The following TNNI3 variants were observed in gnomAD, a reference collection of about 807,000 sequenced individuals.
The protein encoded by TNNI3 is troponin I, cardiac muscle.
Under a neutral mutation model 31.5 loss-of-function variants are expected in TNNI3, and 23 were observed. The observed-to-expected ratio is 0.73, with a 90% CI of 0.52 to 1.03. The LOEUF is 1.03. TNNI3 is among the 50% of genes least tolerant of loss of function. The probability of loss-of-function intolerance (pLI) is 0.00; values close to 1 mark genes in which losing one functional copy is unlikely to be tolerated. For synonymous variants in TNNI3, 120 were observed against 111.7 expected (o/e 1.07, Z -0.47); for missense variants, 236 against 282.9 (o/e 0.83, Z 1.19).
Position 55,157,500 on chromosome 19 carries a change from G to A in TNNI3, c.11+79C>T, listed in dbSNP as rs2085743172. On this transcript the variant is annotated intron_variant, in intron 1 of 7. Coordinates refer to ENST00000344887, the MANE Select transcript of TNNI3 (RefSeq NM_000363.5). This position sits in a 1 kb window ranked among gnomAD's most constrained non-coding sequence, Gnocchi z 6.3. ...CCTACGCCTACCTCGCAGGCCAAGG[G>A]TCCAGCCTCTCAGCTGCGACCCCTC... 2.5e-6 allele frequency: 4 copies of A among 1,601,054 alleles called. No individual in the cohort carries two copies. The South Asian group carries it at 3.3e-5, about 13-fold the overall frequency.
Position 55,154,829 on chromosome 19 carries a change from T to C in TNNI3, c.284A>G (p.Asp95Gly). Residue 95 changes from aspartate (D) to glycine (G), a missense_variant and splice_region_variant, in exon 6 of 8, where the codon GAC becomes GGC. Coordinates refer to ENST00000344887, the MANE Select transcript of TNNI3 (RefSeq NM_000363.5). ...LAGLGFAELQ[D>G]LCRQLHARVD... ...ACGGGCGTGGAGCTGTCGGCACAAG[T>C]CCTGGAGGAGGAACGTGGTGTGTGT... The C allele has an allele frequency of 6.2e-7, 1 of 1,614,072 alleles. No individual in the cohort carries two copies. The highest frequency in any genetic ancestry group is 8.5e-7 in the Non-Finnish European group (1 of 1,179,952).
chr19:55,153,328 C>T (rs1375102721), intron 7 of TNNI3, among the ~76,000 whole-genome samples: 2 of 151,954 alleles, frequency 1.3e-5, no homozygotes, highest in East Asian at 1.9e-4. Flanking sequence ...AAAAAAATTA[C>T]ATATAGGGTT....
intron 6 of TNNI3, chr19:55,154,447 A>G (rs1724175591): frequency 3.2e-5 from 20 of 623,166 alleles, no homozygotes; most frequent in Non-Finnish European, 4.8e-5. Flanking sequence ...CATGCAAATC[A>G]CAATTCCCTG....
At chr19:55,154,593 A>G in intron 6 of TNNI3, 148 bp downstream of exon 6, 1 of 750,260 alleles carries the variant, frequency 1.3e-6, no homozygotes, top group Admixed American at 2.0e-5. Context: ...TATTGTACTC[A>G]TCCTTCTGCC....
chr19:55,153,956 C>G, intron 7 of TNNI3, 74 bp downstream of exon 7: 1 of 1,572,678 alleles, frequency 6.4e-7, no homozygotes, highest in Non-Finnish European at 8.7e-7. Context: ...ACCATCTGCC[C>G]TCAGGCCTAG....
Position 55,156,983 on chromosome 19 carries a change from C to T in TNNI3, c.108+67G>A, listed in dbSNP as rs921367382. On this transcript the variant is annotated intron_variant, in intron 3 of 7. Coordinates refer to ENST00000344887, the MANE Select transcript of TNNI3 (RefSeq NM_000363.5). This position sits in a 1 kb window ranked among gnomAD's most constrained non-coding sequence, Gnocchi z 4.6. ...CGCCCCCTTCGCAGCCCTGGCTCCT[C>T]CCCCCACTCCCAGGGTCTTGGATCC... The T allele has an allele frequency of 2.1e-5, 31 of 1,503,956 alleles. No homozygotes were observed. Among genetic ancestry groups the T allele is most frequent in the Non-Finnish European group, 2.7e-5 (30 of 1,114,648 alleles). The allele number at this position is 1,503,956 out of a possible 1,614,324, so 93.2% of individuals were successfully genotyped here. A position where few individuals can be genotyped will look rare whatever the true frequency, so the allele number is the denominator to read the frequency against.
intron 6 of TNNI3, 129 bp from the exon 7 acceptor site, chr19:55,154,335 G>T: frequency 1.0e-6 from 1 of 981,918 alleles, no homozygotes; most frequent in Non-Finnish European, 1.5e-6. Flanking sequence ...TCTCTTCCCG[G>T]CTTAGGCTCC....
In TNNI3 at chr19:55,157,223, G is replaced by A. The variant is rs977326905; in HGVS notation, c.24+73C>T. 4.2e-5 allele frequency: 68 copies of A among 1,601,438 alleles called. No homozygotes were observed. Among genetic ancestry groups the A allele is most frequent in the Non-Finnish European group, 5.6e-5 (66 of 1,174,806 alleles). On this transcript the variant is annotated intron_variant, in intron 2 of 7. Coordinates refer to ENST00000344887, the MANE Select transcript of TNNI3 (RefSeq NM_000363.5). This position sits in a 1 kb window ranked among gnomAD's most constrained non-coding sequence, Gnocchi z 6.3. ...CCCTCTGCTAGGGCTGCAGCCTCCCGCCCCAGACCCCTCACTGCAGCGCCC... is the reference window on the plus strand; with the variant it reads ...CCCTCTGCTAGGGCTGCAGCCTCCCACCCCAGACCCCTCACTGCAGCGCCC...
chr19:55,156,452 G>A lies in TNNI3; in HGVS notation c.151-120C>T. On this transcript the variant is annotated intron_variant, in intron 4 of 7. Coordinates refer to ENST00000344887, the MANE Select transcript of TNNI3 (RefSeq NM_000363.5). The surrounding 1 kb of genome is among the most constrained non-coding windows in gnomAD (Gnocchi z 4.6). ...TTGGTCTCCACTGTTCCAAGGCCCC[G>A]TCCCACCCCGAGCAGTACTCCCCGC... 1.3e-6 allele frequency: 2 copies of A among 1,503,628 alleles called. No individual in the cohort carries two copies. Among genetic ancestry groups the A allele is most frequent in the East Asian group, 2.5e-5 (1 of 40,656 alleles). 93.1% of individuals were successfully genotyped at this position (1,503,628 alleles called of 1,614,324 possible).
intron 7 of TNNI3, among the ~76,000 whole-genome samples, chr19:55,153,566 A>G (rs978554613): frequency 6.6e-6 from 1 of 151,808 alleles, no homozygotes; most frequent in African/African-American, 2.4e-5. Context: ...TTAAAACAAC[A>G]ACATGGTGGT....
At position 55,156,066 on chromosome 19, in the gene TNNI3, C is replaced by T. The variant is rs2085727064; in HGVS notation, c.282+135G>A. On this transcript the variant is annotated intron_variant, in intron 5 of 7. Transcript: ENST00000344887. This position sits in a 1 kb window ranked among gnomAD's most constrained non-coding sequence, Gnocchi z 4.6. The stretch of plus-strand genomic sequence containing the variant: ...ACCTGCACACAAAGGGTGTTAGGGG[C>T]CAGGAGTCCCACGAACCATATATAA... 1 of 1,342,528 alleles carries T rather than the reference C, an allele frequency of 7.4e-7. No individual in the cohort carries two copies. The highest frequency in any genetic ancestry group is 1.4e-5 in the African/African-American group (1 of 69,456). 83.2% of individuals were successfully genotyped at this position (1,342,528 alleles called of 1,614,324 possible).
At position 55,151,881 on chromosome 19, in the gene TNNI3, C is replaced by T. The variant is rs104894727; in HGVS notation, c.586G>A (p.Asp196Asn). The change falls in exon 8 of 8, where the codon GAT becomes AAT. Residue 196 changes from aspartate (D) to asparagine (N), a missense_variant. Physicochemically the swap from Asp to Asn is conservative, Grantham distance 23. Around this residue, in one of 4 missense-constraint regions of TNNI3, gnomAD observed 28 missense variants for 36.2 expected, o/e 0.77. Transcript: ENST00000344887. ...CGGCCCTCCATTCCACTCAGTGCAT[C>T]GATGTTCTTGCGCCAGTCTCCCACC... ...REVGDWRKNI[D>N]ALSGMEGRKK... The T allele has an allele frequency of 1.5e-5, 25 of 1,614,026 alleles. No homozygotes were observed. Among genetic ancestry groups the T allele is most frequent in the South Asian group, 3.3e-5 (3 of 91,084 alleles).
intron 5 of TNNI3, among the ~76,000 whole-genome samples, chr19:55,155,818 G>A (rs1469305681): frequency 3.4e-5 from 4 of 119,060 alleles, no homozygotes; most frequent in Non-Finnish European, 3.5e-5. Context: ...GAGGGAGGAG[G>A]GGCTGGGGCC....
intron 5 of TNNI3, among the ~76,000 whole-genome samples, chr19:55,155,823 G>C (rs1188951659): frequency 8.1e-6 from 1 of 122,968 alleles, no homozygotes. Context: ...AGGAGGGGCT[G>C]GGGCCTGGAC....
rs939971396 is a variant in TNNI3 at position 55,152,289 on chromosome 19, C to A, written c.550-372G>T. Reference sequence around the variant, plus strand: ...CCTCCACTTCCTGTCTGCCTTATGCCCTTCCTGTCTCCTTCCTTCTCTTCT... The same window carrying A: ...CCTCCACTTCCTGTCTGCCTTATGCACTTCCTGTCTCCTTCCTTCTCTTCT... On this transcript the variant is annotated intron_variant, in intron 7 of 7. Coordinates refer to ENST00000344887, the MANE Select transcript of TNNI3 (RefSeq NM_000363.5). This position sits in a 1 kb window ranked among gnomAD's most constrained non-coding sequence, Gnocchi z 4.0. Among the ~76,000 whole-genome samples the A allele has an allele frequency of 6.6e-6, 1 of 152,104 alleles. No individual in the cohort carries two copies. Among genetic ancestry groups the A allele is most frequent in the Admixed American group, 6.5e-5 (1 of 15,268 alleles).
In TNNI3 at chr19:55,157,605, G is replaced by C; in HGVS notation, c.-16C>G. The C allele has an allele frequency of 6.2e-7, 1 of 1,613,942 alleles. No homozygotes were observed. The highest frequency in any genetic ancestry group is 1.1e-5 in the South Asian group (1 of 91,072). Reference sequence around the variant, plus strand: ...CATCCGCCATGCTGAGACTCAGGCCGGGAATGGCAGGAGGCAGGGCGAGGA... The same window carrying C: ...CATCCGCCATGCTGAGACTCAGGCCCGGAATGGCAGGAGGCAGGGCGAGGA... On this transcript the variant is annotated 5_prime_UTR_variant, in exon 1 of 8. Coordinates refer to ENST00000344887, the MANE Select transcript of TNNI3 (RefSeq NM_000363.5). This position sits in a 1 kb window ranked among gnomAD's most constrained non-coding sequence, Gnocchi z 6.3.
Position 55,156,525 on chromosome 19 carries a change from AC to A in TNNI3, c.150+77del. On this transcript the variant is annotated intron_variant, in intron 4 of 7. Transcript: ENST00000344887. The surrounding 1 kb of genome is among the most constrained non-coding windows in gnomAD (Gnocchi z 4.6). ...AAACCCCGCCCACTTCCGCCCACCT[AC>A]CCCGAAAGCCCCACCCATTCTCAAG... is the stretch of plus-strand genomic sequence containing the variant. The A allele has an allele frequency of 2.0e-6, 3 of 1,515,486 alleles. No individual in the cohort carries two copies. Among genetic ancestry groups the A allele is most frequent in the South Asian group, 1.2e-5 (1 of 82,772 alleles). 93.9% of individuals were successfully genotyped at this position (1,515,486 alleles called of 1,614,324 possible).
chr19:55,154,157 C>A lies in TNNI3; in HGVS notation c.422G>T (p.Arg141Leu), dbSNP rs397516347. 1 of 1,613,218 alleles carries A rather than the reference C, an allele frequency of 6.2e-7. No homozygotes were observed. Among genetic ancestry groups the A allele is most frequent in the Non-Finnish European group, 8.5e-7 (1 of 1,180,006 alleles). ...KIFDLRGKFK[R>L]PTLRRVRISA... ...GATCCTCACTCTCCGCAGGGTGGGC[C>A]GCTTAAACTTGCCTCGAAGGTCAAA... Residue 141 changes from arginine to leucine, a missense_variant, in exon 7 of 8, where the codon CGG (arginine) becomes CTG (leucine). Arg to Leu is a moderately radical substitution (Grantham distance 102). Around this residue, in one of 4 missense-constraint regions of TNNI3, gnomAD observed 34 missense variants for 52.7 expected, o/e 0.65. Transcript: ENST00000344887.
In TNNI3 at chr19:55,156,442, C is replaced by G. The variant is rs1031411432; in HGVS notation, c.151-110G>C. 1.3e-5 allele frequency: 19 copies of G among 1,513,940 alleles called. No homozygotes were observed. In the Admixed American group the frequency reaches 2.8e-4, roughly 22 times the overall value. 93.8% of individuals were successfully genotyped at this position (1,513,940 alleles called of 1,614,324 possible). ...ACCCTCCAGTTTGGTCTCCACTGTT[C>G]CAAGGCCCCGTCCCACCCCGAGCAG... On this transcript the variant is annotated intron_variant, in intron 4 of 7. Transcript: ENST00000344887. The surrounding 1 kb of genome is among the most constrained non-coding windows in gnomAD (Gnocchi z 4.6).
Sources: allele counts gnomAD v4.1 joint callset (sites outside exome capture counted in the v4.1 genomes callset), GRCh38; gene constraint gnomAD v4.1.1; regional missense constraint gnomAD v4.1.1; non-coding constraint Gnocchi (gnomAD v3.1); transcripts MANE v1.5; gene names NCBI Gene and HGNC (gene_info 2026-07-23, HGNC 2026-07-21).